KLHL7: variants seen among roughly 807,000 people sequenced by gnomAD.
The protein encoded by KLHL7 is kelch like family member 7, also known as kelch-like protein 7.
A neutral mutation model predicts 67.4 loss-of-function variants in KLHL7; 44 were observed. That is an observed-to-expected ratio of 0.65 (90% CI 0.51 to 0.84). The LOEUF is 0.84. Ranked by LOEUF, KLHL7 falls within the 40% of genes least tolerant of loss-of-function variation. KLHL7 has a pLI of 0.00. For synonymous variants in KLHL7, 252 were observed against 243.3 expected, an observed-to-expected ratio of 1.04 and a Z score of -0.33; for missense variants, 362 against 718.1, an observed-to-expected ratio of 0.50 and a Z score of 5.67.
At position 23,177,813 on chromosome 7, in the gene KLHL7, G is replaced by T. The variant is rs1222427341; in HGVS notation, c.*3515G>T. 1 of 151,864 alleles carries T rather than the reference G, an allele frequency of 6.6e-6. No individual in the cohort carries two copies. Among genetic ancestry groups the T allele is most frequent in the Non-Finnish European group, 1.5e-5 (1 of 67,962 alleles). 9.4% of individuals were successfully genotyped at this position (151,864 alleles called of 1,614,324 possible). On this transcript the variant is annotated 3_prime_UTR_variant, in exon 11 of 11. Transcript: ENST00000339077. ...TTTGTGGTCCAGCTGGCAAAAACTT[G>T]ACATATCATCCCATGAAAATTTTAA...
In KLHL7 at chr7:23,165,976, C is replaced by T. The variant is rs745554896; in HGVS notation, c.1177+38C>T. 3.7e-6 allele frequency: 6 copies of T among 1,610,000 alleles called. No homozygotes were observed. In the Admixed American group the frequency reaches 1.0e-4, roughly 27 times the overall value. ...TAAGTATTTTGGTTTGGGGCATATG[C>T]TTTAAAGCCAAGTATCTTGGCTTTC... is the stretch of plus-strand genomic sequence containing the variant. On this transcript the variant is annotated intron_variant, in intron 8 of 10. Transcript: ENST00000339077.
At chr7:23,120,345 T>A (rs1342840834) in intron 1 of KLHL7, among the ~76,000 whole-genome samples, 1 of 152,200 alleles carries the variant, frequency 6.6e-6, no homozygotes, top group African/African-American at 2.4e-5. Context: ...AATGAGAACA[T>A]GTCTGATGTT....
intron 4 of KLHL7, chr7:23,126,053 CT>C: frequency 1.5e-6 from 1 of 667,302 alleles, no homozygotes; most frequent in Non-Finnish European, 2.7e-6. Flanking sequence ...TAACAATATG[CT>C]AGCATCACTA....
rs1216469551 is a variant in KLHL7 at position 23,176,769 on chromosome 7, T to C, written c.*2471T>C. On this transcript the variant is annotated 3_prime_UTR_variant, in exon 11 of 11. Coordinates refer to ENST00000339077, the MANE Select transcript of KLHL7 (RefSeq NM_001031710.3). The stretch of plus-strand genomic sequence containing the variant: ...CGGGTGGATTACCTGAGGTCAGGAG[T>C]TTGAGACCAGCCTGGACAACATGCC... 1 of 149,392 alleles carries C rather than the reference T, an allele frequency of 6.7e-6. No homozygotes were observed. Among genetic ancestry groups the C allele is most frequent in the Non-Finnish European group, 1.5e-5 (1 of 67,870 alleles). 9.3% of individuals were successfully genotyped at this position (149,392 alleles called of 1,614,324 possible).
intron 4 of KLHL7, among the ~76,000 whole-genome samples, chr7:23,133,254 T>G (rs1783863853): frequency 6.6e-6 from 1 of 152,294 alleles, no homozygotes; most frequent in South Asian, 2.1e-4. Flanking sequence ...TTAGCAATAT[T>G]GATTCTTCCA....
chr7:23,112,595 G>T (rs1397857840), intron 1 of KLHL7, among the ~76,000 whole-genome samples: 1 of 152,196 alleles, frequency 6.6e-6, no homozygotes, highest in Non-Finnish European at 1.5e-5. Context: ...AGCAAGTCAG[G>T]ATGGCCAAAT....
At chr7:23,124,094 G>C (rs1166514617) in intron 2 of KLHL7, among the ~76,000 whole-genome samples, 1 of 142,980 alleles carries the variant, frequency 7.0e-6, no homozygotes, top group East Asian at 2.1e-4. Flanking sequence ...TGGAGGTACA[G>C]CTTCTACTTA....
In KLHL7 at chr7:23,172,971, T is replaced by G; in HGVS notation, c.1403T>G (p.Ile468Ser). Residue 468 changes from isoleucine to serine, a missense_variant, in exon 10 of 11, where the codon ATT (isoleucine) becomes AGT (serine). By Grantham distance (142) the Ile-to-Ser change is moderately radical. Coordinates refer to ENST00000339077, the MANE Select transcript of KLHL7 (RefSeq NM_001031710.3). The part of the protein sequence containing the change: ...TETWTELCPM[I>S]EARKNHGLVF... ...AGATGGACTGAGCTGTGTCCAATGA[T>G]TGAAGCCAGGAAGAATCATGGGCTG... is the stretch of plus-strand genomic sequence containing the variant. The G allele has an allele frequency of 6.2e-7, 1 of 1,613,816 alleles. No individual in the cohort carries two copies. The highest frequency in any genetic ancestry group is 8.5e-7 in the Non-Finnish European group (1 of 1,179,784).
At chr7:23,138,483 AAG>A (rs1491397495) in intron 4 of KLHL7, among the ~76,000 whole-genome samples, 26 of 134,070 alleles carry the variant, frequency 1.9e-4, no homozygotes, top group African/African-American at 7.3e-4. Context: ...AAAAAAAAAA[AAG>A]AAGGTATAAA....
intron 7 of KLHL7, among the ~76,000 whole-genome samples, chr7:23,165,299 C>T (rs1784970677): frequency 6.6e-6 from 1 of 152,162 alleles, no homozygotes; most frequent in African/African-American, 2.4e-5. Flanking sequence ...ACTTATATCA[C>T]ACTATATATC....
intron 1 of KLHL7, among the ~76,000 whole-genome samples, chr7:23,108,061 T>G (rs1782717853): frequency 6.6e-6 from 1 of 152,214 alleles, no homozygotes; most frequent in South Asian, 2.1e-4. Context: ...CTCTTGTTCT[T>G]TAGTAAATAT....
intron 1 of KLHL7, among the ~76,000 whole-genome samples, chr7:23,119,692 A>G (rs1036297958): frequency 3.9e-5 from 6 of 152,202 alleles, no homozygotes; most frequent in Non-Finnish European, 7.3e-5. Context: ...TATCTTTGTC[A>G]TATATCAAAT....
At chr7:23,132,932 G>T (rs1006106196) in intron 4 of KLHL7, among the ~76,000 whole-genome samples, 1 of 152,148 alleles carries the variant, frequency 6.6e-6, no homozygotes, top group African/African-American at 2.4e-5. Context: ...TGGCACCTTT[G>T]TTGAAAATGA....
chr7:23,141,092 C>T (rs1784166399), intron 5 of KLHL7, 148 bp downstream of exon 5: 1 of 769,352 alleles, frequency 1.3e-6, no homozygotes, highest in African/African-American at 1.7e-5. Context: ...ATCTTAGGTG[C>T]TTGCCAGGCT....
chr7:23,117,081 CTTTTTTTTTTTTT>C (rs34692665), intron 1 of KLHL7, among the ~76,000 whole-genome samples: 1 of 68,216 alleles, frequency 1.5e-5, no homozygotes, highest in Non-Finnish European at 2.8e-5. Flanking sequence ...AGAGCCAGGC[CTTTTTTTTTTTTT>C]TTTTTTTTTT....
At chr7:23,161,011 T>C (rs1784839965) in intron 7 of KLHL7, among the ~76,000 whole-genome samples, 2 of 152,232 alleles carry the variant, frequency 1.3e-5, no homozygotes, top group South Asian at 4.1e-4. Context: ...TTGAATTAAA[T>C]GTTCCTGTTA....
chr7:23,110,487 T>G (rs942194674), intron 1 of KLHL7, among the ~76,000 whole-genome samples: 1 of 152,134 alleles, frequency 6.6e-6, no homozygotes, highest in Non-Finnish European at 1.5e-5. Flanking sequence ...TGTTTTAACC[T>G]CTCCAGCTTT....
chr7:23,143,778 A>G (rs2128465007), intron 5 of KLHL7, 73 bp from the exon 6 acceptor site: 2 of 1,428,210 alleles, frequency 1.4e-6, no homozygotes, highest in Non-Finnish European at 2.0e-6. Context: ...TCCCTTCAAT[A>G]TGAGAGTAAA....
chr7:23,118,285 C>T (rs1010610328), intron 1 of KLHL7, among the ~76,000 whole-genome samples: 6 of 152,190 alleles, frequency 3.9e-5, no homozygotes, highest in South Asian at 2.1e-4. Context: ...TTCTTTATGA[C>T]GCGTTGAGTA....
Sources: allele counts gnomAD v4.1 joint callset (sites outside exome capture counted in the v4.1 genomes callset), GRCh38; gene constraint gnomAD v4.1.1; transcripts MANE v1.5; gene names NCBI Gene and HGNC (gene_info 2026-07-23, HGNC 2026-07-21).